Variants in EXOSC10 observed in about 807,000 individuals in gnomAD.
EXOSC10 encodes exosome complex component 10.
In EXOSC10, 94 loss-of-function variants were observed where a neutral mutation model predicts 126.6. That is an observed-to-expected ratio of 0.74 (90% confidence interval 0.63 to 0.88). The LOEUF (loss-of-function observed/expected upper bound fraction) is 0.88, where lower values mean the gene tolerates loss of function less well. Among genes scored for constraint, EXOSC10 ranks in the 40% least tolerant of loss-of-function variants. The pLI is 0.00. For missense variants in EXOSC10, 1,041 were observed against 1,100.5 expected, an observed-to-expected ratio of 0.95 and a Z score of 0.77; for synonymous variants, 395 against 400.8, an observed-to-expected ratio of 0.99 and a Z score of 0.17.
chr1:11,068,348 C>A (rs1459855387), intron 23 of EXOSC10: 2 of 587,952 alleles, frequency 3.4e-6, no homozygotes, highest in Non-Finnish European at 6.0e-6. Context: ...CCAACACCCA[C>A]GAGGGGTGAA....
intron 4 of EXOSC10, 31 bp downstream of exon 4, chr1:11,091,462 A>G: frequency 6.5e-7 from 1 of 1,549,260 alleles, no homozygotes; most frequent in Non-Finnish European, 8.9e-7. Context: ...AGCTGACATC[A>G]AGAGCTCTAG....
At chr1:11,075,853 CAAAAAAA>C (rs58667041) in intron 17 of EXOSC10, among the ~76,000 whole-genome samples, 535 of 35,062 alleles carry the variant, frequency 0.015, 1 homozygote, top group African/African-American at 0.061. Context: ...GATCCTGTCA[CAAAAAAA>C]AAAAAAAAAA....
At chr1:11,097,783 T>G (rs1553168701) in intron 2 of EXOSC10, among the ~76,000 whole-genome samples, 1 of 152,148 alleles carries the variant, frequency 6.6e-6, no homozygotes, top group Non-Finnish European at 1.5e-5. Flanking sequence ...TAAAAAAGAT[T>G]TGTACAAAAG....
At chr1:11,069,380 T>C (rs2748877) in intron 22 of EXOSC10, among the ~76,000 whole-genome samples, 179 bp downstream of exon 22, 91,175 of 151,276 alleles carry the variant, frequency 0.6, 30,778 homozygotes, top group East Asian at 0.78. Context: ...GAGGAGGTGG[T>C]AATGAGGCTG....
Position 11,077,444 on chromosome 1 carries a change from C to A in EXOSC10, c.1801-1G>T. The A allele has an allele frequency of 1.2e-6, 2 of 1,613,888 alleles. No homozygotes were observed. Among genetic ancestry groups the A allele is most frequent in the South Asian group, 1.1e-5 (1 of 91,070 alleles). ...GTCCAAAGAGAACATTCTCCAATCT[C>A]TGCATTAAAAGACACCAGCAGGCTG... is the stretch of plus-strand genomic sequence containing the variant. On this transcript the variant is annotated splice_acceptor_variant, in intron 15 of 24. Coordinates refer to ENST00000376936, the MANE Select transcript of EXOSC10 (RefSeq NM_001001998.3). LOFTEE classifies it high-confidence loss of function.
intron 24 of EXOSC10, 122 bp from the exon 25 acceptor site, chr1:11,066,870 C>T: frequency 8.3e-7 from 1 of 1,208,742 alleles, no homozygotes; most frequent in Admixed American, 1.8e-5. Context: ...GCTCAGGGGC[C>T]CCAGAGAACT....
rs745967792 is a variant in EXOSC10 at position 11,070,949 on chromosome 1, G to T, written c.2267C>A (p.Ala756Glu). ...GGCCTGTTCTGCTGCAGCTTTGCAC[G>T]CCTCCTTTGCCTGTTCCCGGGCAGC... ...QTAAREQAKEACKAAAEQAIS... is the reference protein window; with the variant it reads ...QTAAREQAKEECKAAAEQAIS... The change falls in exon 21 of 25, where the codon GCG becomes GAG. Residue 756 changes from alanine to glutamate, a missense_variant. By Grantham distance (107) the Ala-to-Glu change is moderately radical. Around this residue, in one of 3 missense-constraint regions of EXOSC10, gnomAD observed 388 missense variants for 415.2 expected, o/e 0.93. Coordinates refer to ENST00000376936, the MANE Select transcript of EXOSC10 (RefSeq NM_001001998.3). 6.2e-7 allele frequency: 1 copy of T among 1,614,008 alleles called. No homozygotes were observed.
In EXOSC10 at chr1:11,085,605, C is replaced by T. The variant is rs959122030; in HGVS notation, c.1089+1843G>A. Reference sequence around the variant, plus strand: ...ACTTCCTCTTTGCCTAATTGAATACCCTTTATTTCCTTCTCCTGCCTGATT... The same window carrying T: ...ACTTCCTCTTTGCCTAATTGAATACTCTTTATTTCCTTCTCCTGCCTGATT... On this transcript the variant is annotated intron_variant, in intron 9 of 24. Coordinates refer to ENST00000376936, the MANE Select transcript of EXOSC10 (RefSeq NM_001001998.3). 3.7e-3 allele frequency among the ~76,000 whole-genome samples: 564 copies of T among 152,114 alleles called. 9 individuals carry two copies. The highest frequency in any genetic ancestry group is 0.013 in the African/African-American group (535 of 41,476).
In EXOSC10 at chr1:11,067,975, G is replaced by T. The variant is rs373055187; in HGVS notation, c.2627+33C>A. On this transcript the variant is annotated intron_variant, in intron 24 of 24. Transcript: ENST00000376936. ...CGCAGGGCAGGTGCTTTCTCACTGG[G>T]CTCCCTGGGCCACACCGCCGTCCAC... is the stretch of plus-strand genomic sequence containing the variant. The T allele has an allele frequency of 4.4e-6, 7 of 1,598,920 alleles. No individual in the cohort carries two copies. The African/African-American group carries it at 9.4e-5, about 21-fold the overall frequency.
chr1:11,066,887 C>A, intron 24 of EXOSC10, 139 bp from the exon 25 acceptor site: 1 of 881,520 alleles, frequency 1.1e-6, no homozygotes, highest in Admixed American at 2.0e-5. Flanking sequence ...AACTCGGCGG[C>A]CCACCAGAGT....
intron 23 of EXOSC10, 42 bp downstream of exon 23, chr1:11,068,603 G>C (rs1279817103): frequency 3.9e-6 from 6 of 1,528,592 alleles, no homozygotes; most frequent in South Asian, 1.1e-5. Flanking sequence ...GTCAGAAACA[G>C]GCGCCACCAG....
chr1:11,069,848 G>T, intron 21 of EXOSC10, 118 bp from the exon 22 acceptor site: 1 of 1,051,344 alleles, frequency 9.5e-7, no homozygotes, highest in Non-Finnish European at 1.4e-6. Flanking sequence ...AACAGTCAGT[G>T]GTGGGGAGAG....
chr1:11,067,168 AC>A (rs1639142758), intron 24 of EXOSC10, among the ~76,000 whole-genome samples: 3 of 152,200 alleles, frequency 2.0e-5, no homozygotes, highest in African/African-American at 7.2e-5. Context: ...GCGGTGGCTC[AC>A]GCCTGTAACC....
intron 10 of EXOSC10, among the ~76,000 whole-genome samples, chr1:11,082,251 C>G (rs1466940978): frequency 2.6e-5 from 4 of 151,912 alleles, no homozygotes; most frequent in African/African-American, 9.7e-5. Flanking sequence ...CTACCTTATG[C>G]CACAAAAAAA....
At chr1:11,069,414 G>A (rs374805505) in intron 22 of EXOSC10, 145 bp downstream of exon 22, 16 of 928,686 alleles carry the variant, frequency 1.7e-5, no homozygotes, top group Admixed American at 7.2e-5. Context: ...ACATTGCCAC[G>A]GCCTCTCTGG....
rs1221498922 is a variant in EXOSC10 at position 11,087,702 on chromosome 1, A to C, written c.945+98T>G. ...AGCTAAGTTATATGATTAATTTTTT[A>C]CCAAAAAAAATTACAATTAGTATTA... On this transcript the variant is annotated intron_variant, in intron 8 of 24. Coordinates refer to ENST00000376936, the MANE Select transcript of EXOSC10 (RefSeq NM_001001998.3). 8 of 1,488,258 alleles carry C rather than the reference A, an allele frequency of 5.4e-6. No homozygotes were observed. In the Middle Eastern group the frequency reaches 5.5e-4, roughly 102 times the overall value. 92.2% of individuals were successfully genotyped at this position (1,488,258 alleles called of 1,614,324 possible).
intron 6 of EXOSC10, among the ~76,000 whole-genome samples, chr1:11,089,994 ATCTT>A (rs1640712122): frequency 8.1e-6 from 1 of 123,456 alleles, no homozygotes; most frequent in Admixed American, 1.0e-4. Flanking sequence ...TTGCTTTTAC[ATCTT>A]TTTTTTTTTT....
At position 11,069,593 on chromosome 1, in the gene EXOSC10, G is replaced by A. The variant is rs149082475; in HGVS notation, c.2454C>T (p.Tyr818=). Residue 818 remains tyrosine, a synonymous_variant, in exon 22 of 25, where the codon TAC becomes TAT. Coordinates refer to ENST00000376936, the MANE Select transcript of EXOSC10 (RefSeq NM_001001998.3). ...PEPPEKEFTP[Y]DYSQSDFKAF... is the part of the protein sequence containing the mutation. ...CCTTGAAGTCTGACTGGCTGTAGTC[G>A]TAAGGCGTAAACTCTTTTTCTGGTG... is the stretch of plus-strand genomic sequence containing the variant. The A allele has an allele frequency of 2.3e-4, 378 of 1,613,888 alleles. No homozygotes were observed. Among genetic ancestry groups the A allele is most frequent in the African/African-American group, 1.3e-4 (10 of 74,940 alleles).
intron 6 of EXOSC10, among the ~76,000 whole-genome samples, chr1:11,089,025 G>A (rs760376047): frequency 3.3e-5 from 5 of 151,968 alleles, no homozygotes; most frequent in African/African-American, 4.8e-5. Flanking sequence ...GTTTCAGGCA[G>A]CCTGGACAAC....
Sources: allele counts gnomAD v4.1 joint callset (sites outside exome capture counted in the v4.1 genomes callset), GRCh38; gene constraint gnomAD v4.1.1; regional missense constraint gnomAD v4.1.1; transcripts MANE v1.5; gene names NCBI Gene and HGNC (gene_info 2026-07-23, HGNC 2026-07-21).